Variants in SNX11 observed in about 807,000 individuals in gnomAD.
The protein encoded by SNX11 is sorting nexin-11.
In SNX11, 19 loss-of-function variants were observed where a neutral mutation model predicts 30.7. That is an observed-to-expected ratio of 0.62 (90% confidence interval 0.43 to 0.91). The LOEUF (loss-of-function observed/expected upper bound fraction) is 0.91, where lower values mean the gene tolerates loss of function less well. Ranked by LOEUF, SNX11 falls within the 40% of genes least tolerant of loss-of-function variation. The probability of loss-of-function intolerance (pLI) is 0.00; values close to 1 mark genes in which losing one functional copy is unlikely to be tolerated. For synonymous variants in SNX11, 112 were observed against 119.0 expected (o/e 0.94, Z 0.38); for missense variants, 302 against 326.7 (o/e 0.92, Z 0.58).
rs1221831894 is a variant in SNX11 at position 48,118,935 on chromosome 17, G to A, written c.327-39G>A. Reference sequence around the variant, plus strand: ...ATGGGGAATGGAGAGCAGTTCCTCAGGGTGATGCTCTGTGTTGTGCTACCT... The same window carrying A: ...ATGGGGAATGGAGAGCAGTTCCTCAAGGTGATGCTCTGTGTTGTGCTACCT... On this transcript the variant is annotated intron_variant, in intron 5 of 6. Transcript: ENST00000359238. The A allele has an allele frequency of 3.1e-6, 5 of 1,597,452 alleles. No individual in the cohort carries two copies. In the South Asian group the frequency reaches 5.5e-5, roughly 18 times the overall value.
Position 48,112,645 on chromosome 17 carries a change from T to C in SNX11, c.114T>C (p.Tyr38=). Residue 38 remains tyrosine (Y), a synonymous_variant, in exon 3 of 7, where the codon TAT becomes TAC. Transcript: ENST00000359238. The stretch of plus-strand genomic sequence containing the variant: ...GCTCCTGGAACTCTTATGTGGATTA[T>C]AAGATATTCCTCCATGTGAGTACAT... The part of the protein sequence containing the change: ...NEGSWNSYVD[Y]KIFLHTNSKA... The C allele has an allele frequency of 1.2e-6, 2 of 1,612,442 alleles. No individual in the cohort carries two copies. Among genetic ancestry groups the C allele is most frequent in the Non-Finnish European group, 1.7e-6 (2 of 1,178,622 alleles).
intron 4 of SNX11, among the ~76,000 whole-genome samples, chr17:48,117,039 T>G (rs920411134): frequency 6.6e-6 from 1 of 151,350 alleles, no homozygotes. Flanking sequence ...GCCCTACTAA[T>G]TTTCTTTTCT....
intron 6 of SNX11, among the ~76,000 whole-genome samples, chr17:48,120,802 GC>G (rs1459157137): frequency 3.3e-5 from 5 of 151,432 alleles, no homozygotes; most frequent in African/African-American, 9.7e-5. Flanking sequence ...GAGCCACCAC[GC>G]CCGGCCTCTT....
At position 48,122,671 on chromosome 17, in the gene SNX11, C is replaced by T. The variant is rs1308409464; in HGVS notation, c.*1163C>T. On this transcript the variant is annotated 3_prime_UTR_variant, in exon 7 of 7. Coordinates refer to ENST00000359238, the MANE Select transcript of SNX11 (RefSeq NM_013323.3). ...GTCTGTGGGCTCTTTTACTACCAGC[C>T]TATGCTGTGGGACTGTCATGGCATT... is the stretch of plus-strand genomic sequence containing the variant. 6.6e-6 allele frequency: 1 copy of T among 152,206 alleles called. No individual in the cohort carries two copies. The highest frequency in any genetic ancestry group is 1.5e-5 in the Non-Finnish European group (1 of 68,052). 9.4% of individuals were successfully genotyped at this position (152,206 alleles called of 1,614,324 possible). A position where few individuals can be genotyped will look rare whatever the true frequency, so the allele number is the denominator to read the frequency against.
At chr17:48,110,979 C>A in intron 1 of SNX11, 1 of 487,824 alleles carries the variant, frequency 2.0e-6, no homozygotes, top group Non-Finnish European at 2.7e-6. Flanking sequence ...GGTGATGTCG[C>A]TATACACGTG....
intron 6 of SNX11, among the ~76,000 whole-genome samples, 154 bp downstream of exon 6, chr17:48,119,340 T>A (rs1052545393): frequency 2.0e-5 from 3 of 152,212 alleles, no homozygotes; most frequent in African/African-American, 7.2e-5. Flanking sequence ...TCCAGGTGGG[T>A]CTGTGTTAAC....
chr17:48,121,132 C>A, intron 6 of SNX11, 103 bp from the exon 7 acceptor site: 1 of 1,282,134 alleles, frequency 7.8e-7, no homozygotes, highest in Non-Finnish European at 1.1e-6. Context: ...ATTACAGGCA[C>A]ATGCCAACAT....
intron 6 of SNX11, among the ~76,000 whole-genome samples, chr17:48,120,117 T>C (rs886664936): frequency 4.6e-5 from 7 of 152,228 alleles, no homozygotes; most frequent in South Asian, 2.1e-4. Context: ...TCTCTTTTTT[T>C]CCCCCATTTT....
At position 48,117,996 on chromosome 17, in the gene SNX11, G is replaced by C. The variant is rs2063562458; in HGVS notation, c.231-708G>C. Among the ~76,000 whole-genome samples the C allele has an allele frequency of 2.6e-5, 4 of 152,162 alleles. No individual in the cohort carries two copies. In the South Asian group the frequency reaches 6.2e-4, roughly 24 times the overall value. ...CGTTTATGCTACTGCACTCCAGCCTGGGCAACCTGGAGAGAGCAGCTTGGA... is the reference window on the plus strand; with the variant it reads ...CGTTTATGCTACTGCACTCCAGCCTCGGCAACCTGGAGAGAGCAGCTTGGA... On this transcript the variant is annotated intron_variant, in intron 4 of 6. Transcript: ENST00000359238.
chr17:48,123,506 G>C lies in SNX11; in HGVS notation c.*1998G>C, dbSNP rs891392198. Among the ~76,000 whole-genome samples, 3 of 152,066 alleles carry C rather than the reference G, an allele frequency of 2.0e-5. No homozygotes were observed. Among genetic ancestry groups the C allele is most frequent in the Non-Finnish European group, 4.4e-5 (3 of 68,020 alleles). Reference sequence around the variant, plus strand: ...TGCTCAGCAGCTAGTTCTGCCAGCCGGCTAGGCTGCTGGGACAGCAGGAGC... The same window carrying C: ...TGCTCAGCAGCTAGTTCTGCCAGCCCGCTAGGCTGCTGGGACAGCAGGAGC... On this transcript the variant is annotated 3_prime_UTR_variant, in exon 7 of 7. Coordinates refer to ENST00000359238, the MANE Select transcript of SNX11 (RefSeq NM_013323.3).
At chr17:48,118,884 T>G in intron 5 of SNX11, 85 bp downstream of exon 5, 1 of 1,551,022 alleles carries the variant, frequency 6.4e-7, no homozygotes, top group Non-Finnish European at 8.9e-7. Flanking sequence ...AGCTCCCTGC[T>G]CAGGTAGCCA....
intron 4 of SNX11, among the ~76,000 whole-genome samples, chr17:48,115,747 T>C (rs1244686197): frequency 6.6e-6 from 1 of 152,206 alleles, no homozygotes; most frequent in African/African-American, 2.4e-5. Context: ...GTGATTTTGC[T>C]GTAGGATGGT....
intron 2 of SNX11, 163 bp downstream of exon 2, chr17:48,112,248 G>C (rs1489988853): frequency 2.7e-6 from 2 of 737,242 alleles, no homozygotes; most frequent in Admixed American, 4.2e-5. Context: ...AACAGCAGAG[G>C]CATTCCTAGG....
intron 4 of SNX11, among the ~76,000 whole-genome samples, chr17:48,116,325 T>A (rs536698826): frequency 2.6e-5 from 4 of 152,228 alleles, no homozygotes; most frequent in African/African-American, 9.6e-5. Context: ...CAAGGGATTC[T>A]CCCACTTCAG....
chr17:48,112,544 T>C, intron 2 of SNX11, 30 bp from the exon 3 acceptor site: 1 of 1,514,652 alleles, frequency 6.6e-7, no homozygotes, highest in Non-Finnish European at 9.1e-7. Flanking sequence ...GCTGTGTAGC[T>C]GAAGCTGAGG....
chr17:48,113,331 TC>T lies in SNX11; in HGVS notation c.162del (p.Cys55ValfsTer12). The T allele has an allele frequency of 4.3e-6, 7 of 1,613,702 alleles. No individual in the cohort carries two copies. The highest frequency in any genetic ancestry group is 5.9e-6 in the Non-Finnish European group (7 of 1,179,776). On this transcript the variant is annotated frameshift_variant, in exon 4 of 7. Coordinates refer to ENST00000359238, the MANE Select transcript of SNX11 (RefSeq NM_013323.3). LOFTEE classifies it high-confidence loss of function. ...CAGCAAAGCCTTTACTGCCAAGACTTCCTGTGTGCGGCGCCGCTACCGTGAG... is the reference window on the plus strand; with the variant it reads ...CAGCAAAGCCTTTACTGCCAAGACTTCTGTGTGCGGCGCCGCTACCGTGAG... ...TNSKAFTAKT[S>X]CVRRRYREFV... is the part of the protein sequence containing the mutation.
At chr17:48,110,201 T>TA (rs1299561070) in intron 1 of SNX11, among the ~76,000 whole-genome samples, 3 of 152,214 alleles carry the variant, frequency 2.0e-5, no homozygotes, top group African/African-American at 7.2e-5. Context: ...ATTTGACTGA[T>TA]ATCTGGAATG....
intron 4 of SNX11, among the ~76,000 whole-genome samples, chr17:48,115,342 G>A (rs1282034786): frequency 2.0e-5 from 3 of 152,270 alleles, no homozygotes; most frequent in East Asian, 3.9e-4. Flanking sequence ...GATTACAGGC[G>A]TGAGCCACCG....
intron 1 of SNX11, among the ~76,000 whole-genome samples, chr17:48,110,452 T>C (rs2063479907): frequency 6.6e-6 from 1 of 152,212 alleles, no homozygotes; most frequent in African/African-American, 2.4e-5. Flanking sequence ...TTGGAGAGAA[T>C]TGAAAAAGTG....
Sources: allele counts gnomAD v4.1 joint callset (sites outside exome capture counted in the v4.1 genomes callset), GRCh38; gene constraint gnomAD v4.1.1; transcripts MANE v1.5; gene names NCBI Gene and HGNC (gene_info 2026-07-23, HGNC 2026-07-21).